MTSS2: variants seen among roughly 807,000 people sequenced by gnomAD.
The protein encoded by MTSS2 is MTSS I-BAR domain containing 2.
MTSS2 carries 27 observed loss-of-function variants against 67.1 expected under a neutral mutation model. The observed-to-expected ratio is 0.40, with a 90% CI of 0.30 to 0.55. MTSS2 has a LOEUF of 0.55. Among genes scored for constraint, MTSS2 ranks in the 20% least tolerant of loss-of-function variants. MTSS2 has a pLI of 0.43. For synonymous variants in MTSS2, 624 were observed against 468.6 expected (o/e 1.33, Z -4.28); for missense variants, 1,171 against 1,067.8 (o/e 1.10, Z -1.35).
In MTSS2 at chr16:70,663,749, C is replaced by T. The variant is rs765461046; in HGVS notation, c.2172G>A (p.Leu724=). The change falls in exon 15 of 15, where the codon CTG becomes CTA. Residue 724 remains leucine (L), a synonymous_variant. Transcript: ENST00000338779. ...ATSDPPAEDM[L]VAIRRGVRLR... ...GCCGGACCCCACGCCGGATGGCCACCAGCATGTCTTCGGCCGGGGGGTCGC... is the reference window on the plus strand; with the variant it reads ...GCCGGACCCCACGCCGGATGGCCACTAGCATGTCTTCGGCCGGGGGGTCGC... The T allele has an allele frequency of 1.4e-5, 22 of 1,569,036 alleles. No individual in the cohort carries two copies. The South Asian group carries it at 2.2e-4, about 16-fold the overall frequency.
rs2052621334 is a variant in MTSS2 at position 70,664,458 on chromosome 16, A to ACGGGACACAGTGAGGCC, written c.1472-26_1472-10dup. The ACGGGACACAGTGAGGCC allele has an allele frequency of 1.3e-6, 2 of 1,537,072 alleles. No individual in the cohort carries two copies. Among genetic ancestry groups the ACGGGACACAGTGAGGCC allele is most frequent in the South Asian group, 1.3e-5 (1 of 78,516 alleles). ...GCAGTCGTAGTCGGAGCCTGGGGGC[A>ACGGGACACAGTGAGGCC]CGGGACACAGTGAGGCCCAGGGCCC... is the stretch of plus-strand genomic sequence containing the variant. On this transcript the variant is annotated splice_polypyrimidine_tract_variant and intron_variant, in intron 14 of 14. Transcript: ENST00000338779.
At position 70,674,398 on chromosome 16, in the gene MTSS2, A is replaced by G. The variant is rs1001436252; in HGVS notation, c.961T>C (p.Ser321Pro). The stretch of plus-strand genomic sequence containing the variant: ...CCAGAGTCATGGGAGGAAACGCTGG[A>G]GAGGCGAGCGGTGGTGGTGGCTGGC... ...AQPATTTARL[S>P]SVSSHDSGFV... The change falls in exon 11 of 15, where the codon TCC becomes CCC. Residue 321 changes from serine to proline, a missense_variant. Ser to Pro is a moderately conservative substitution (Grantham distance 74). Transcript: ENST00000338779. The G allele has an allele frequency of 1.2e-6, 2 of 1,614,208 alleles. No individual in the cohort carries two copies. Among genetic ancestry groups the G allele is most frequent in the Non-Finnish European group, 1.7e-6 (2 of 1,180,038 alleles).
At position 70,664,171 on chromosome 16, in the gene MTSS2, T is replaced by G. The variant is rs2052604321; in HGVS notation, c.1750A>C (p.Ile584Leu). ...VRRALSSAGP[I>L]PIRPPIVPVK... ...GGGACGATGGGCGGCCGGATGGGGA[T>G]GGGGCCAGCGCTGGACAGGGCGCGG... Residue 584 changes from isoleucine (I) to leucine (L), a missense_variant, in exon 15 of 15, where the codon ATC (isoleucine) becomes CTC (leucine). This residue lies in a region of MTSS2 where 924 missense variants were observed against 756.0 expected (regional missense o/e 1.22). Transcript: ENST00000338779. 1 of 1,605,314 alleles carries G rather than the reference T, an allele frequency of 6.2e-7. No homozygotes were observed. The highest frequency in any genetic ancestry group is 8.5e-7 in the Non-Finnish European group (1 of 1,179,348).
intron 11 of MTSS2, among the ~76,000 whole-genome samples, chr16:70,666,179 G>A (rs897196412): frequency 6.6e-6 from 1 of 152,270 alleles, no homozygotes. Context: ...GTAAAGGAGA[G>A]CCTGCTCTGC....
At position 70,663,980 on chromosome 16, in the gene MTSS2, G is replaced by A. The variant is rs1171892436; in HGVS notation, c.1941C>T (p.Ser647=). Residue 647 remains serine, a synonymous_variant, in exon 15 of 15, where the codon AGC becomes AGT. Transcript: ENST00000338779. ...RLSLPNTAWG[S]PSPEAAGYPG... is the part of the protein sequence containing the mutation. The stretch of plus-strand genomic sequence containing the variant: ...GGTACCCGGCTGCCTCTGGGGATGG[G>A]CTGCCCCAGGCTGTGTTGGGCAGGC... 4.4e-6 allele frequency: 7 copies of A among 1,581,512 alleles called. No individual in the cohort carries two copies. In the Admixed American group the frequency reaches 9.0e-5, roughly 20 times the overall value.
At chr16:70,665,990 T>G (rs552988057) in intron 11 of MTSS2, among the ~76,000 whole-genome samples, 2 of 152,146 alleles carry the variant, frequency 1.3e-5, no homozygotes, top group Non-Finnish European at 2.9e-5. Context: ...TCTGCATGGA[T>G]GCAATGAGGG....
At chr16:70,683,596 CCT>C (rs1210251050) in intron 1 of MTSS2, among the ~76,000 whole-genome samples, 2 of 152,238 alleles carry the variant, frequency 1.3e-5, no homozygotes, top group African/African-American at 4.8e-5. Context: ...AGTCTCTGCC[CCT>C]CTCTGGGTTT....
chr16:70,681,785 C>T (rs376451335), intron 1 of MTSS2, among the ~76,000 whole-genome samples: 9 of 152,220 alleles, frequency 5.9e-5, no homozygotes, highest in East Asian at 1.9e-4. Flanking sequence ...ATAGGGAGGT[C>T]GGGCTCCTGG....
rs769542470 is a variant in MTSS2, at chr16:70,680,781, C to G, written c.205+13G>C. 6.4e-7 allele frequency: 1 copy of G among 1,550,648 alleles called. No individual in the cohort carries two copies. The highest frequency in any genetic ancestry group is 8.7e-7 in the Non-Finnish European group (1 of 1,146,954). ...CTGGGGCAACCCCAACCTCCAGCCA[C>G]GCGCCTCCCCACCTCGGGTGTTGGT... On this transcript the variant is annotated intron_variant, in intron 3 of 14. Transcript: ENST00000338779.
chr16:70,684,397 C>G (rs80299306), intron 1 of MTSS2, among the ~76,000 whole-genome samples: 8,303 of 152,040 alleles, frequency 0.055, 271 homozygotes, highest in East Asian at 0.1. Flanking sequence ...CATCTACAAG[C>G]CGCTAACTGG....
At position 70,674,421 on chromosome 16, in the gene MTSS2, G is replaced by C. The variant is rs1282929027; in HGVS notation, c.938C>G (p.Pro313Arg). ...GGAGAGGCGAGCGGTGGTGGTGGCT[G>C]GCTGCGCCAGGCTGCGGTAGCGACA... ...STCRYRSLAQPATTTARLSSV... is the reference protein window; with the variant it reads ...STCRYRSLAQRATTTARLSSV... Residue 313 changes from proline to arginine, a missense_variant, in exon 11 of 15, where the codon CCA (proline) becomes CGA (arginine). Transcript: ENST00000338779. The C allele has an allele frequency of 3.1e-6, 5 of 1,614,058 alleles. No individual in the cohort carries two copies. Among genetic ancestry groups the C allele is most frequent in the Admixed American group, 1.7e-5 (1 of 60,012 alleles).
Position 70,664,766 on chromosome 16 carries a change from G to T in MTSS2, c.1306-3C>A. ...GCGGGGGACACCTCCTCACCGTGCT[G>T]AGGGTGGGAAAGTGCAGGCTGAAGC... On this transcript the variant is annotated splice_polypyrimidine_tract_variant and splice_region_variant and intron_variant, in intron 13 of 14. Transcript: ENST00000338779. 6.2e-7 allele frequency: 1 copy of T among 1,608,350 alleles called. No individual in the cohort carries two copies. The highest frequency in any genetic ancestry group is 1.3e-5 in the African/African-American group (1 of 75,018).
chr16:70,663,539 G>A lies in MTSS2; in HGVS notation c.*138C>T. 6.5e-6 allele frequency: 9 copies of A among 1,387,752 alleles called. No homozygotes were observed. Among genetic ancestry groups the A allele is most frequent in the Non-Finnish European group, 8.5e-6 (9 of 1,059,988 alleles). 86.0% of individuals were successfully genotyped at this position (1,387,752 alleles called of 1,614,324 possible). A position where few individuals can be genotyped will look rare whatever the true frequency, so the allele number is the denominator to read the frequency against. On this transcript the variant is annotated 3_prime_UTR_variant, in exon 15 of 15. Transcript: ENST00000338779. Reference sequence around the variant, plus strand: ...TTAAATGCTGGAATCCAAGTGAGGTGTCTTTCCATAAAGTGGCATGGCCTC... The same window carrying A: ...TTAAATGCTGGAATCCAAGTGAGGTATCTTTCCATAAAGTGGCATGGCCTC...
At chr16:70,685,702 G>T (rs1169307581) in intron 1 of MTSS2, 21 bp downstream of exon 1, 1 of 1,295,178 alleles carries the variant, frequency 7.7e-7, no homozygotes, top group Non-Finnish European at 1.0e-6. Flanking sequence ...CGCGCGCCCG[G>T]CCCCGCCGCG....
chr16:70,677,975 C>T, intron 8 of MTSS2, 76 bp from the exon 9 acceptor site: 1 of 1,272,984 alleles, frequency 7.9e-7, no homozygotes. Context: ...GGAGAAGCAG[C>T]AGCCCTTGTC....
At chr16:70,681,377 A>G (rs2053300660) in intron 1 of MTSS2, among the ~76,000 whole-genome samples, 2 of 152,270 alleles carry the variant, frequency 1.3e-5, no homozygotes, top group South Asian at 4.1e-4. Flanking sequence ...CTGGCAGGGG[A>G]TCTGGGCTGA....
chr16:70,683,338 C>T (rs2053357292), intron 1 of MTSS2, among the ~76,000 whole-genome samples: 1 of 152,208 alleles, frequency 6.6e-6, no homozygotes, highest in Admixed American at 6.5e-5. Flanking sequence ...AGGTGCTGCT[C>T]AGCCAGCACT....
chr16:70,664,226 G>T lies in MTSS2; in HGVS notation c.1695C>A (p.Arg565=). 4 of 1,577,044 alleles carry T rather than the reference G, an allele frequency of 2.5e-6. No homozygotes were observed. Among genetic ancestry groups the T allele is most frequent in the Non-Finnish European group, 3.4e-6 (4 of 1,166,992 alleles). ...SGAPPGVATI[R]RTPSTKPTVR... ...CGGTGGGCTTGGTGGAGGGTGTGCGGCGGATGGTGGCCACGCCGGGGGGTG... is the reference window on the plus strand; with the variant it reads ...CGGTGGGCTTGGTGGAGGGTGTGCGTCGGATGGTGGCCACGCCGGGGGGTG... Residue 565 remains arginine (R), a synonymous_variant, in exon 15 of 15, where the codon CGC becomes CGA. Transcript: ENST00000338779.
intron 12 of MTSS2, 162 bp from the exon 13 acceptor site, chr16:70,665,258 C>G: frequency 1.1e-6 from 1 of 943,528 alleles, no homozygotes; most frequent in Non-Finnish European, 1.5e-6. Context: ...TGTGGCCCCT[C>G]AGTCCCACCA....
Sources: allele counts gnomAD v4.1 joint callset (sites outside exome capture counted in the v4.1 genomes callset), GRCh38; gene constraint gnomAD v4.1.1; regional missense constraint gnomAD v4.1.1; transcripts MANE v1.5; gene names NCBI Gene and HGNC (gene_info 2026-07-23, HGNC 2026-07-21).